Variants in SEPTIN9 observed in about 807,000 individuals in gnomAD.
SEPTIN9 encodes septin 9, also known as septin-9.
In SEPTIN9, 13 loss-of-function variants were observed where a neutral mutation model predicts 56.6. The ratio of observed to expected loss-of-function variants is 0.23; its 90% CI spans 0.15 to 0.37. The LOEUF is 0.37. Among genes scored for constraint, SEPTIN9 ranks in the 10% least tolerant of loss-of-function variants. SEPTIN9 has a pLI of 1.00. For missense variants in SEPTIN9, 650 were observed against 823.1 expected (o/e 0.79, Z 2.57); for synonymous variants, 332 against 334.1 (o/e 0.99, Z 0.07).
chr17:77,351,244 CACA>C (rs1355198417), intron 2 of SEPTIN9, among the ~76,000 whole-genome samples: 1 of 138,656 alleles, frequency 7.2e-6, no homozygotes, highest in East Asian at 2.0e-4. Flanking sequence ...CACACACACA[CACA>C]CACACACACA....
Position 77,453,342 on chromosome 17 carries a change from A to G in SEPTIN9, c.722-28802A>G, listed in dbSNP as rs991588397. 1.3e-5 allele frequency among the ~76,000 whole-genome samples: 2 copies of G among 152,180 alleles called. No individual in the cohort carries two copies. ...CCTTGTTGGCCGGGCGCAGTGGCTC[A>G]TGCCTGTAATCCCAACACTTCAGGA... On this transcript the variant is annotated intron_variant, in intron 3 of 11. Coordinates refer to ENST00000427177, the MANE Select transcript of SEPTIN9 (RefSeq NM_001113491.2). The surrounding 1 kb of genome is among the most constrained non-coding windows in gnomAD (Gnocchi z 4.4).
At chr17:77,325,664 G>A (rs1466250458) in intron 2 of SEPTIN9, among the ~76,000 whole-genome samples, 1 of 152,220 alleles carries the variant, frequency 6.6e-6, no homozygotes, top group African/African-American at 2.4e-5. Context: ...GGCCATGGAG[G>A]CTGAGTGTTT....
At chr17:77,361,126 A>G (rs1292761921) in intron 2 of SEPTIN9, among the ~76,000 whole-genome samples, 1 of 151,916 alleles carries the variant, frequency 6.6e-6, no homozygotes, top group Non-Finnish European at 1.5e-5. Context: ...GTTTCACCAC[A>G]TTGGCCAGGC....
rs1027068803 is a variant in SEPTIN9 at position 77,327,144 on chromosome 17, G to A, written c.76+19947G>A. ...CTACCAGCACTGGCTCTCATCTGCC[G>A]ACCTTACCTCTGGCAATGCCTCCCT... On this transcript the variant is annotated intron_variant, in intron 2 of 11. Coordinates refer to ENST00000427177, the MANE Select transcript of SEPTIN9 (RefSeq NM_001113491.2). The surrounding 1 kb of genome is among the most constrained non-coding windows in gnomAD (Gnocchi z 5.0). Among the ~76,000 whole-genome samples the A allele has an allele frequency of 6.6e-6, 1 of 151,652 alleles. No homozygotes were observed. Among genetic ancestry groups the A allele is most frequent in the Non-Finnish European group, 1.5e-5 (1 of 67,952 alleles).
Position 77,475,776 on chromosome 17 carries a change from G to A in SEPTIN9, c.722-6368G>A, listed in dbSNP as rs768711263. On this transcript the variant is annotated intron_variant, in intron 3 of 11. Coordinates refer to ENST00000427177, the MANE Select transcript of SEPTIN9 (RefSeq NM_001113491.2). The surrounding 1 kb of genome is among the most constrained non-coding windows in gnomAD (Gnocchi z 4.6). ...TTTCTCCTGGACACGGGCCTGGAAG[G>A]CTGACAGGGTGTGGTGAGTGCCACC... 25 of 1,613,076 alleles carry A rather than the reference G, an allele frequency of 1.5e-5. No homozygotes were observed. Among genetic ancestry groups the A allele is most frequent in the Non-Finnish European group, 2.0e-5 (24 of 1,179,896 alleles).
chr17:77,330,642 A>G lies in SEPTIN9; in HGVS notation c.76+23445A>G, dbSNP rs2033312274. Among the ~76,000 whole-genome samples the G allele has an allele frequency of 1.3e-5, 2 of 152,190 alleles. No individual in the cohort carries two copies. Among genetic ancestry groups the G allele is most frequent in the African/African-American group, 4.8e-5 (2 of 41,446 alleles). On this transcript the variant is annotated intron_variant, in intron 2 of 11. Coordinates refer to ENST00000427177, the MANE Select transcript of SEPTIN9 (RefSeq NM_001113491.2). This position sits in a 1 kb window ranked among gnomAD's most constrained non-coding sequence, Gnocchi z 4.4. The stretch of plus-strand genomic sequence containing the variant: ...CTGTGCAGCTCACCCTGCAGAACAG[A>G]CAATTTGGTTAAAGCCTAAAGCCTG...
At chr17:77,307,028 C>A in intron 1 of SEPTIN9, 113 bp from the exon 2 acceptor site, 1 of 1,036,362 alleles carries the variant, frequency 9.6e-7, no homozygotes, top group Non-Finnish European at 1.5e-6. Context: ...CCGTTTCTGG[C>A]TCTGGAACTC....
At position 77,487,636 on chromosome 17, in the gene SEPTIN9, C is replaced by T. The variant is rs1427916096; in HGVS notation, c.1042+84C>T. 1.4e-5 allele frequency: 15 copies of T among 1,088,116 alleles called. 4 individuals carry two copies. The highest frequency in any genetic ancestry group is 3.2e-5 in the African/African-American group (1 of 31,712). 67.4% of individuals were successfully genotyped at this position (1,088,116 alleles called of 1,614,324 possible). A position where few individuals can be genotyped will look rare whatever the true frequency, so the allele number is the denominator to read the frequency against. Reference sequence around the variant, plus strand: ...GGTTGGGGGTCAAGACCATCACACACAGTCAGTGGCCAGGGGCGGGCTGGG... The same window carrying T: ...GGTTGGGGGTCAAGACCATCACACATAGTCAGTGGCCAGGGGCGGGCTGGG... On this transcript the variant is annotated intron_variant, in intron 5 of 11. Coordinates refer to ENST00000427177, the MANE Select transcript of SEPTIN9 (RefSeq NM_001113491.2). This position sits in a 1 kb window ranked among gnomAD's most constrained non-coding sequence, Gnocchi z 4.3.
chr17:77,293,041 A>G (rs922639035), intron 1 of SEPTIN9, among the ~76,000 whole-genome samples: 1 of 151,030 alleles, frequency 6.6e-6, no homozygotes, highest in African/African-American at 2.4e-5. Flanking sequence ...TCCCAAGACA[A>G]GGTCTCACTC....
At chr17:77,391,000 G>A (rs976836790) in intron 2 of SEPTIN9, among the ~76,000 whole-genome samples, 1 of 152,312 alleles carries the variant, frequency 6.6e-6, no homozygotes, top group South Asian at 2.1e-4. Flanking sequence ...AAAGCTCTGC[G>A]GCTGATGGGA....
At chr17:77,375,058 A>ACCC (rs2034871771) in intron 2 of SEPTIN9, 1 of 96,608 alleles carries the variant, frequency 1.0e-5, no homozygotes, top group East Asian at 3.3e-4. Flanking sequence ...CCCCCACAAC[A>ACCC]CCTCCTCATC....
chr17:77,470,422 C>CCACT lies in SEPTIN9; in HGVS notation c.722-11720_722-11719insCTCA, dbSNP rs1461393287. 6.0e-5 allele frequency among the ~76,000 whole-genome samples: 9 copies of CCACT among 150,596 alleles called. No individual in the cohort carries two copies. The East Asian group carries it at 1.8e-3, about 30-fold the overall frequency. ...CTCATCCACGCATCCACTCACCCAT[C>CCACT]CATCTACCCATCCACTCATCCACCC... On this transcript the variant is annotated intron_variant, in intron 3 of 11. Coordinates refer to ENST00000427177, the MANE Select transcript of SEPTIN9 (RefSeq NM_001113491.2).
At chr17:77,440,191 G>A (rs912193833) in intron 3 of SEPTIN9, among the ~76,000 whole-genome samples, 7 of 151,828 alleles carry the variant, frequency 4.6e-5, no homozygotes, top group Non-Finnish European at 7.4e-5. Context: ...GTCTCGCTCC[G>A]TCACCTAGGC....
chr17:77,413,272 A>G (rs978689709), intron 3 of SEPTIN9, among the ~76,000 whole-genome samples: 11 of 152,176 alleles, frequency 7.2e-5, no homozygotes, highest in African/African-American at 2.7e-4. Context: ...TCGTGAAACC[A>G]TCTGAGCCTG....
At chr17:77,322,050 A>T (rs2032957442) in intron 2 of SEPTIN9, among the ~76,000 whole-genome samples, 1 of 152,180 alleles carries the variant, frequency 6.6e-6, no homozygotes. Context: ...CAGCCCCAGG[A>T]GGACGTCACT....
intron 3 of SEPTIN9, among the ~76,000 whole-genome samples, chr17:77,423,936 C>T (rs1015420167): frequency 4.2e-5 from 6 of 142,650 alleles, no homozygotes; most frequent in African/African-American, 1.6e-4. Flanking sequence ...CTGAGCCCTG[C>T]CTGGGGCCAG....
At chr17:77,331,053 A>C (rs770628318) in intron 2 of SEPTIN9, among the ~76,000 whole-genome samples, 3 of 152,316 alleles carry the variant, frequency 2.0e-5, no homozygotes, top group Admixed American at 6.5e-5. Flanking sequence ...GTTGACAATA[A>C]TTAAAGAACT....
At chr17:77,287,970 G>T in intron 1 of SEPTIN9, 2 of 1,054,728 alleles carry the variant, frequency 1.9e-6, no homozygotes, top group Non-Finnish European at 2.3e-6. Context: ...AGCGGTGTTG[G>T]CCCGGGGCCT....
rs11657491 is a variant in SEPTIN9 at position 77,354,626 on chromosome 17, G to A, written c.76+47429G>A. ...GTGGACAGGCCTGCTTGTGGGTTGA[G>A]GCTCCCAGCAGCTGGGGTGGATCAT... On this transcript the variant is annotated intron_variant, in intron 2 of 11. Transcript: ENST00000427177. Among the ~76,000 whole-genome samples, 1,516 of 152,270 alleles carry A rather than the reference G, an allele frequency of 1.0e-2. 14 individuals carry two copies. The highest frequency in any genetic ancestry group is 0.044 in the Middle Eastern group (13 of 294).
Sources: gnomAD v4.1 joint callset for allele counts (sites outside exome capture counted in the v4.1 genomes callset) on GRCh38, gnomAD v4.1.1 for gene constraint, Gnocchi (gnomAD v3.1) non-coding constraint, MANE v1.5 for transcripts, NCBI Gene and HGNC (gene_info 2026-07-23, HGNC 2026-07-21) for gene names.